FRAS1: variants seen among roughly 807,000 people sequenced by gnomAD.
FRAS1 encodes Fraser extracellular matrix complex subunit 1, also known as extracellular matrix organizing protein FRAS1.
Under a neutral mutation model 435.2 loss-of-function variants are expected in FRAS1, and 290 were observed. The ratio of observed to expected loss-of-function variants is 0.67; its 90% CI spans 0.61 to 0.73. The LOEUF (loss-of-function observed/expected upper bound fraction) is 0.73, where lower values mean the gene tolerates loss of function less well. Ranked by LOEUF, FRAS1 falls within the 30% of genes least tolerant of loss-of-function variation. The pLI is 0.00. For synonymous variants in FRAS1, 1,800 were observed against 1,851.0 expected (o/e 0.97, Z 0.71); for missense variants, 4,860 against 5,001.5 (o/e 0.97, Z 0.85).
chr4:78,154,598 A>G (rs905668979), intron 2 of FRAS1, among the ~76,000 whole-genome samples: 1 of 152,336 alleles, frequency 6.6e-6, no homozygotes, highest in African/African-American at 2.4e-5. Flanking sequence ...TGGGGAGGTC[A>G]GAAAGTGTTA....
At chr4:78,210,675 G>A (rs1723465352) in intron 2 of FRAS1, among the ~76,000 whole-genome samples, 1 of 152,174 alleles carries the variant, frequency 6.6e-6, no homozygotes, top group Admixed American at 6.5e-5. Context: ...CCTTGTCTAC[G>A]AGAAGGATGA....
chr4:78,108,481 A>G (rs1400371306), intron 2 of FRAS1, among the ~76,000 whole-genome samples: 1 of 90,996 alleles, frequency 1.1e-5, no homozygotes, highest in Non-Finnish European at 2.1e-5. Context: ...AAACTGAACA[A>G]CCTGCTCCTG....
chr4:78,269,099 C>G (rs1276329931), intron 9 of FRAS1, among the ~76,000 whole-genome samples: 1 of 152,226 alleles, frequency 6.6e-6, no homozygotes, highest in Non-Finnish European at 1.5e-5. Flanking sequence ...AAACATATCT[C>G]TTAGCCTTCT....
At chr4:78,115,613 G>C (rs1186583826) in intron 2 of FRAS1, among the ~76,000 whole-genome samples, 1 of 152,138 alleles carries the variant, frequency 6.6e-6, no homozygotes, top group Non-Finnish European at 1.5e-5. Context: ...TAGTTTGTTT[G>C]TGTAGAGGTG....
At chr4:78,089,336 G>C (rs546377953) in intron 2 of FRAS1, among the ~76,000 whole-genome samples, 1 of 151,182 alleles carries the variant, frequency 6.6e-6, no homozygotes, top group Non-Finnish European at 1.5e-5. Flanking sequence ...GCTAAATGAC[G>C]AGTTAATGGG....
intron 38 of FRAS1, among the ~76,000 whole-genome samples, chr4:78,434,309 G>A (rs1734330540): frequency 6.6e-6 from 1 of 152,210 alleles, no homozygotes; most frequent in African/African-American, 2.4e-5. Flanking sequence ...TATATACACA[G>A]TTTGCTATGC....
chr4:78,076,513 T>C (rs984062759), intron 2 of FRAS1, among the ~76,000 whole-genome samples: 4 of 152,230 alleles, frequency 2.6e-5, no homozygotes, highest in Non-Finnish European at 5.9e-5. Flanking sequence ...GATTATTTTG[T>C]ATATACTACC....
At chr4:78,334,954 G>T (rs1253642279) in intron 19 of FRAS1, among the ~76,000 whole-genome samples, 5 of 151,806 alleles carry the variant, frequency 3.3e-5, no homozygotes, top group Non-Finnish European at 7.4e-5. Context: ...TAGAGACAGG[G>T]TCTCACCTTG....
chr4:78,408,562 T>C (rs1167572314), intron 31 of FRAS1, among the ~76,000 whole-genome samples: 1 of 152,210 alleles, frequency 6.6e-6, no homozygotes, highest in Non-Finnish European at 1.5e-5. Context: ...CATGGGCCTA[T>C]AGCCAAACTC....
Position 78,207,708 on chromosome 4 carries a change from G to A in FRAS1, c.109-29802G>A, listed in dbSNP as rs546961939. Among the ~76,000 whole-genome samples, 10 of 152,206 alleles carry A rather than the reference G, an allele frequency of 6.6e-5. No individual in the cohort carries two copies. The South Asian group carries it at 1.3e-3, about 19-fold the overall frequency. ...GCAGTTTGAAAAGAATCCAGGTCTC[G>A]GGACTAGAGATTGAGAAATCAAGCT... is the stretch of plus-strand genomic sequence containing the variant. On this transcript the variant is annotated intron_variant, in intron 2 of 73. Coordinates refer to ENST00000512123, the MANE Select transcript of FRAS1 (RefSeq NM_025074.7).
Position 78,374,130 on chromosome 4 carries a change from C to T in FRAS1, c.3030C>T (p.Leu1010=), listed in dbSNP as rs1319664149. The change falls in exon 25 of 74, where the codon CTC becomes CTT. Residue 1010 remains leucine (L), a synonymous_variant. Coordinates refer to ENST00000512123, the MANE Select transcript of FRAS1 (RefSeq NM_025074.7). ...GLCKNCDSYC[L]QCQGPHECTR... Reference sequence around the variant, plus strand: ...TTTCAGACTGTGACAGCTACTGTCTCCAGTGCCAAGGTCCCCATGAGTGTA... The same window carrying T: ...TTTCAGACTGTGACAGCTACTGTCTTCAGTGCCAAGGTCCCCATGAGTGTA... 6.3e-7 allele frequency: 1 copy of T among 1,593,268 alleles called. No homozygotes were observed.
intron 59 of FRAS1, among the ~76,000 whole-genome samples, chr4:78,490,951 A>C (rs1400769525): frequency 6.6e-6 from 1 of 152,140 alleles, no homozygotes; most frequent in East Asian, 1.9e-4. Flanking sequence ...TCAAATAGAC[A>C]CAATAAAAAT....
Position 78,507,537 on chromosome 4 carries a change from G to A in FRAS1, c.9433G>A (p.Val3145Met), listed in dbSNP as rs753478587. ...CCCAGTGGAAGCAGTTCTTGGGGAT[G>A]TGACTACTGCCACGGTGACAATTCT... is the stretch of plus-strand genomic sequence containing the variant. ...DDPVEAVLGD[V>M]TTATVTILDQ... Residue 3145 changes from valine (V) to methionine (M), a missense_variant, in exon 62 of 74, where the codon GTG becomes ATG. Coordinates refer to ENST00000512123, the MANE Select transcript of FRAS1 (RefSeq NM_025074.7). 9 of 1,612,180 alleles carry A rather than the reference G, an allele frequency of 5.6e-6. No homozygotes were observed. The highest frequency in any genetic ancestry group is 5.9e-6 in the Non-Finnish European group (7 of 1,179,240).
At chr4:78,128,380 A>G (rs915739453) in intron 2 of FRAS1, among the ~76,000 whole-genome samples, 6 of 152,140 alleles carry the variant, frequency 3.9e-5, no homozygotes, top group South Asian at 4.2e-4. Flanking sequence ...CAGTGTAAAC[A>G]TGTTCCTATT....
In FRAS1 at chr4:78,432,336, A is replaced by T. The variant is rs765366172; in HGVS notation, c.4970-21A>T. On this transcript the variant is annotated intron_variant, in intron 37 of 73. Transcript: ENST00000512123. ...TTATTCCCAGAAGCAACTCGTTTGCAATTTGTTTTATTCTTGGAAGGTGAC... is the reference window on the plus strand; with the variant it reads ...TTATTCCCAGAAGCAACTCGTTTGCTATTTGTTTTATTCTTGGAAGGTGAC... 3 of 1,573,546 alleles carry T rather than the reference A, an allele frequency of 1.9e-6. No individual in the cohort carries two copies. In the South Asian group the frequency reaches 3.5e-5, roughly 19 times the overall value.
chr4:78,176,975 T>G (rs17003021), intron 2 of FRAS1, among the ~76,000 whole-genome samples: 57,211 of 152,076 alleles, frequency 0.38, 10,883 homozygotes, highest in African/African-American at 0.41. Flanking sequence ...CTTGTATTGC[T>G]GAAACCAAAA....
intron 69 of FRAS1, among the ~76,000 whole-genome samples, chr4:78,524,599 G>A (rs566783391): frequency 6.6e-6 from 1 of 152,174 alleles, no homozygotes; most frequent in Non-Finnish European, 1.5e-5. Flanking sequence ...TAGTATTTAG[G>A]AATAGAGAAA....
At chr4:78,399,220 A>G (rs1732789879) in intron 29 of FRAS1, among the ~76,000 whole-genome samples, 2 of 152,190 alleles carry the variant, frequency 1.3e-5, no homozygotes, top group South Asian at 2.1e-4. Flanking sequence ...TGTTTGACTC[A>G]GCTTCCTGGT....
chr4:78,061,818 C>T (rs754138062), intron 1 of FRAS1, among the ~76,000 whole-genome samples: 1 of 152,134 alleles, frequency 6.6e-6, no homozygotes, highest in African/African-American at 2.4e-5. Context: ...AAACCTCCTG[C>T]GCTCAAGGAG....
Sources: gnomAD v4.1 joint callset for allele counts (sites outside exome capture counted in the v4.1 genomes callset) on GRCh38, gnomAD v4.1.1 for gene constraint, MANE v1.5 for transcripts, NCBI Gene and HGNC (gene_info 2026-07-23, HGNC 2026-07-21) for gene names.